Variants in QTMAN observed in about 807,000 individuals in gnomAD.
QTMAN encodes the protein queuosine-tRNA mannosyltransferase, also known as tRNA-queuosine alpha-mannosyltransferase.
chr2:143,963,202 C>G, the QTMAN span, among the ~76,000 whole-genome samples: 3 of 152,084 alleles, frequency 2.0e-5, no homozygotes, highest in African/African-American at 7.2e-5. Context: ...AATGAGATAT[C>G]AGAGTAAAAG....
chr2:144,120,964 T>C, the QTMAN span, among the ~76,000 whole-genome samples: 1 of 152,224 alleles, frequency 6.6e-6, no homozygotes, highest in Non-Finnish European at 1.5e-5. Flanking sequence ...TCAGTAATAA[T>C]AGTTTCCATA....
chr2:144,268,443 G>C, the QTMAN span, among the ~76,000 whole-genome samples: 22 of 152,306 alleles, frequency 1.4e-4, no homozygotes, highest in East Asian at 1.5e-3. Flanking sequence ...AATGGGGCTA[G>C]TGCCCTTATA....
chr2:144,264,502 A>C, the QTMAN span, among the ~76,000 whole-genome samples: 5 of 152,218 alleles, frequency 3.3e-5, no homozygotes, highest in Non-Finnish European at 5.9e-5. Context: ...AATTAAAACC[A>C]CATGGATCAA....
the QTMAN span, among the ~76,000 whole-genome samples, chr2:144,259,200 C>A: frequency 6.6e-6 from 1 of 152,150 alleles, no homozygotes; most frequent in Non-Finnish European, 1.5e-5. Context: ...ACTGTGTCGC[C>A]CAGGCTGGAG....
chr2:144,085,742 C>G, the QTMAN span, among the ~76,000 whole-genome samples: 2 of 152,042 alleles, frequency 1.3e-5, no homozygotes, highest in Non-Finnish European at 2.9e-5. Flanking sequence ...GGCTTTGAAT[C>G]GGAGCCTAGT....
the QTMAN span, among the ~76,000 whole-genome samples, chr2:144,029,963 A>T: frequency 1.6e-4 from 24 of 152,278 alleles, no homozygotes; most frequent in Non-Finnish European, 2.4e-4. Flanking sequence ...TCTAGAAAGG[A>T]GCTCATAGAT....
chr2:144,140,884 T>A, the QTMAN span, among the ~76,000 whole-genome samples: 1 of 151,998 alleles, frequency 6.6e-6, no homozygotes, highest in Admixed American at 6.6e-5. Flanking sequence ...TAACTTGATT[T>A]TGTATGGGGC....
At chr2:144,237,288 G>C in the QTMAN span, 1 of 150,864 alleles carries the variant, frequency 6.6e-6, no homozygotes, top group African/African-American at 2.4e-5. Flanking sequence ...GAGTATGTCA[G>C]GGTCTTAAAG....
chr2:144,023,308 G>GA, the QTMAN span, among the ~76,000 whole-genome samples: 11,638 of 149,230 alleles, frequency 0.078, 615 homozygotes, highest in East Asian at 0.23. Flanking sequence ...CCTTAAAAAG[G>GA]AAAAAAAAAG....
At chr2:144,120,221 A>G in the QTMAN span, among the ~76,000 whole-genome samples, 4 of 152,190 alleles carry the variant, frequency 2.6e-5, no homozygotes, top group African/African-American at 9.7e-5. Context: ...CTTCTTATGC[A>G]CGTCACCTTT....
the QTMAN span, among the ~76,000 whole-genome samples, chr2:143,985,731 G>C: frequency 6.9e-6 from 1 of 145,632 alleles, no homozygotes; most frequent in African/African-American, 2.7e-5. Flanking sequence ...TTAGCGAAAT[G>C]CTCACATATA....
chr2:144,215,462 T>C, the QTMAN span, among the ~76,000 whole-genome samples: 2 of 152,084 alleles, frequency 1.3e-5, no homozygotes, highest in Non-Finnish European at 2.9e-5. Context: ...TTTTCAAATA[T>C]GCACAATTTC....
the QTMAN span, among the ~76,000 whole-genome samples, chr2:144,094,967 G>T: frequency 3.9e-5 from 6 of 152,094 alleles, no homozygotes; most frequent in African/African-American, 1.4e-4. Flanking sequence ...TGTAAACCTA[G>T]CACCTAGTAT....
the QTMAN span, among the ~76,000 whole-genome samples, chr2:144,184,610 ATT>A: frequency 1.3e-5 from 2 of 151,948 alleles, no homozygotes; most frequent in African/African-American, 4.8e-5. Context: ...TTTGGAAATG[ATT>A]TTTTTTAGAT....
chr2:144,262,232 C>A, the QTMAN span, among the ~76,000 whole-genome samples: 1 of 152,124 alleles, frequency 6.6e-6, no homozygotes, highest in African/African-American at 2.4e-5. Context: ...TTACCACAGA[C>A]AATGGAAGAT....
chr2:144,246,476 G>C, the QTMAN span, among the ~76,000 whole-genome samples: 1 of 150,406 alleles, frequency 6.6e-6, no homozygotes, highest in African/African-American at 2.4e-5. Flanking sequence ...GGGAGGCTGA[G>C]GCAGGAGAAT....
chr2:144,181,289 T>A, the QTMAN span, among the ~76,000 whole-genome samples: 1 of 152,336 alleles, frequency 6.6e-6, no homozygotes, highest in Non-Finnish European at 1.5e-5. Context: ...TTTAATAAAT[T>A]AAAGACAACT....
At chr2:143,954,011 G>A in the QTMAN span, among the ~76,000 whole-genome samples, 6 of 151,894 alleles carry the variant, frequency 4.0e-5, no homozygotes, top group Non-Finnish European at 5.9e-5. Context: ...AGTTTTGCTT[G>A]AGAACTGATA....
At chr2:144,029,484 T>C in the QTMAN span, among the ~76,000 whole-genome samples, 1 of 152,210 alleles carries the variant, frequency 6.6e-6, no homozygotes, top group Non-Finnish European at 1.5e-5. Context: ...TGACAACCAC[T>C]ACCCGCCTTC....
Sources: gnomAD v4.1 joint callset for allele counts (sites outside exome capture counted in the v4.1 genomes callset) on GRCh38, gnomAD v4.1.1 for gene constraint, MANE v1.5 for transcripts, NCBI Gene and HGNC (gene_info 2026-07-23, HGNC 2026-07-21) for gene names.